ADAM12: variants seen among roughly 807,000 people sequenced by gnomAD.
ADAM12 encodes the protein disintegrin and metalloproteinase domain-containing protein 12.
In ADAM12, 70 loss-of-function variants were observed where a neutral mutation model predicts 106.4. That is an observed-to-expected ratio of 0.66 (90% CI 0.54 to 0.80). The LOEUF (loss-of-function observed/expected upper bound fraction) is 0.80, where lower values mean the gene tolerates loss of function less well. Among genes scored for constraint, ADAM12 ranks in the 30% least tolerant of loss-of-function variants. The pLI is 0.00. For synonymous variants in ADAM12, 420 were observed against 433.5 expected, an observed-to-expected ratio of 0.97 and a Z score of 0.39; for missense variants, 1,010 against 1,171.9, an observed-to-expected ratio of 0.86 and a Z score of 2.02.
At chr10:126,198,857 A>T (rs115321741) in intron 3 of ADAM12, among the ~76,000 whole-genome samples, 3,844 of 152,306 alleles carry the variant, frequency 0.025, 159 homozygotes, top group African/African-American at 0.085. Context: ...TTCATATTAG[A>T]AACTCCCAGC....
chr10:126,252,247 T>TA (rs1958800527), intron 3 of ADAM12, among the ~76,000 whole-genome samples: 1 of 78,400 alleles, frequency 1.3e-5, no homozygotes, highest in Non-Finnish European at 2.8e-5. Flanking sequence ...TGGATTGGAC[T>TA]GATGGATGGG....
At chr10:126,205,346 A>C (rs1312629785) in intron 3 of ADAM12, among the ~76,000 whole-genome samples, 1 of 150,170 alleles carries the variant, frequency 6.7e-6, no homozygotes, top group Non-Finnish European at 1.5e-5. Flanking sequence ...AAAAAAAAAC[A>C]ACCAACCCTG....
chr10:126,081,940 T>C (rs983059233), intron 11 of ADAM12, among the ~76,000 whole-genome samples: 8 of 152,134 alleles, frequency 5.3e-5, no homozygotes, highest in African/African-American at 1.2e-4. Context: ...AAACCACAAA[T>C]ACAAGTAAAT....
At chr10:126,018,160 A>G (rs1953694730) in intron 22 of ADAM12, among the ~76,000 whole-genome samples, 1 of 152,134 alleles carries the variant, frequency 6.6e-6, no homozygotes, top group Non-Finnish European at 1.5e-5. Context: ...TAATAAAATC[A>G]CTCCAGTGTG....
intron 5 of ADAM12, among the ~76,000 whole-genome samples, chr10:126,134,597 C>T (rs2133675184): frequency 6.6e-6 from 1 of 152,332 alleles, no homozygotes; most frequent in Non-Finnish European, 1.5e-5. Flanking sequence ...CAATGGGGAA[C>T]ATGTGAGCAA....
intron 3 of ADAM12, among the ~76,000 whole-genome samples, chr10:126,210,561 C>T (rs916124553): frequency 3.3e-5 from 5 of 152,218 alleles, no homozygotes; most frequent in South Asian, 4.2e-4. Context: ...GCTGACAGGA[C>T]GTGAGTGAGT....
intron 2 of ADAM12, among the ~76,000 whole-genome samples, chr10:126,280,714 G>A (rs1959533259): frequency 6.6e-6 from 1 of 152,148 alleles, no homozygotes; most frequent in African/African-American, 2.4e-5. Flanking sequence ...ACTGATGGAT[G>A]ATATTACTTT....
chr10:126,299,746 C>T (rs1374234323), intron 2 of ADAM12, among the ~76,000 whole-genome samples: 5 of 152,100 alleles, frequency 3.3e-5, no homozygotes, highest in Admixed American at 3.3e-4. Flanking sequence ...TGGGTTCAAA[C>T]AATTCTCCTG....
intron 11 of ADAM12, among the ~76,000 whole-genome samples, chr10:126,071,992 G>A (rs1011726774): frequency 6.6e-6 from 1 of 152,202 alleles, no homozygotes; most frequent in Non-Finnish European, 1.5e-5. Context: ...GCTACGAAAA[G>A]TGAATTCGTA....
intron 3 of ADAM12, among the ~76,000 whole-genome samples, chr10:126,184,443 C>T (rs192415306): frequency 6.6e-6 from 1 of 152,256 alleles, no homozygotes; most frequent in Admixed American, 6.5e-5. Flanking sequence ...GTTAATCCTG[C>T]TTGGATTTCA....
chr10:126,283,253 C>T (rs1186607374), intron 2 of ADAM12, among the ~76,000 whole-genome samples: 1 of 152,122 alleles, frequency 6.6e-6, no homozygotes, highest in African/African-American at 2.4e-5. Flanking sequence ...CAGCTCACCT[C>T]GCCTGCTGCC....
chr10:126,359,485 A>G (rs1021564218), intron 1 of ADAM12, among the ~76,000 whole-genome samples: 5 of 152,158 alleles, frequency 3.3e-5, no homozygotes, highest in Non-Finnish European at 7.4e-5. Flanking sequence ...AATGGGAGAA[A>G]TTGACCAAAA....
At chr10:126,283,226 T>A (rs1410657972) in intron 2 of ADAM12, among the ~76,000 whole-genome samples, 2 of 152,248 alleles carry the variant, frequency 1.3e-5, no homozygotes, top group East Asian at 3.9e-4. Flanking sequence ...TAAATACAGA[T>A]GTAGCTTCTC....
chr10:126,022,563 C>T lies in ADAM12; in HGVS notation c.2530-2738G>A, dbSNP rs141826279. Reference sequence around the variant, plus strand: ...GGTGTGGAACCCATGATGCAAGAAGCACCAGCTGCACATTTTGACCCTGGA... The same window carrying T: ...GGTGTGGAACCCATGATGCAAGAAGTACCAGCTGCACATTTTGACCCTGGA... On this transcript the variant is annotated intron_variant, in intron 21 of 22. Coordinates refer to ENST00000448723, the MANE Select transcript of ADAM12 (RefSeq NM_001288973.2). Among the ~76,000 whole-genome samples, 1,237 of 152,312 alleles carry T rather than the reference C, an allele frequency of 8.1e-3. 21 individuals are homozygous for T. Among genetic ancestry groups the T allele is most frequent in the African/African-American group, 0.029 (1,201 of 41,566 alleles).
At chr10:126,288,216 A>G (rs1469862201) in intron 2 of ADAM12, among the ~76,000 whole-genome samples, 1 of 151,924 alleles carries the variant, frequency 6.6e-6, no homozygotes, top group African/African-American at 2.4e-5. Flanking sequence ...TACAAGGAGC[A>G]GGGAAACCCT....
At chr10:126,309,090 T>A (rs1003812871) in intron 2 of ADAM12, among the ~76,000 whole-genome samples, 1 of 152,198 alleles carries the variant, frequency 6.6e-6, no homozygotes, top group Admixed American at 6.5e-5. Flanking sequence ...CTTCCCCCTA[T>A]GCCAAGAGTG....
At chr10:126,122,724 T>C (rs1956137388) in intron 5 of ADAM12, among the ~76,000 whole-genome samples, 1 of 152,072 alleles carries the variant, frequency 6.6e-6, no homozygotes, top group African/African-American at 2.4e-5. Flanking sequence ...TGTGCCACTG[T>C]ACTCCAGCCT....
chr10:126,271,708 G>A (rs189412880), intron 3 of ADAM12, among the ~76,000 whole-genome samples: 102 of 152,360 alleles, frequency 6.7e-4, no homozygotes, highest in Non-Finnish European at 1.3e-3. Context: ...CAAGGCTGCA[G>A]TGAGCTGTGA....
At chr10:126,232,537 C>A (rs117844375) in intron 3 of ADAM12, among the ~76,000 whole-genome samples, 2 of 152,080 alleles carry the variant, frequency 1.3e-5, no homozygotes, top group African/African-American at 4.8e-5. Flanking sequence ...GAAAATGACA[C>A]GTTCACCAGC....
Sources: allele counts gnomAD v4.1 joint callset (sites outside exome capture counted in the v4.1 genomes callset), GRCh38; gene constraint gnomAD v4.1.1; transcripts MANE v1.5; gene names NCBI Gene and HGNC (gene_info 2026-07-23, HGNC 2026-07-21).